Variants in SUMF1 observed in about 807,000 individuals in gnomAD.
SUMF1 encodes the protein formylglycine-generating enzyme.
A neutral mutation model predicts 47.6 loss-of-function variants in SUMF1; 48 were observed. That is an observed-to-expected ratio of 1.01 (90% CI 0.80 to 1.28). The LOEUF is 1.28. SUMF1 is among the 50% of genes most tolerant of loss of function. The pLI, the probability that SUMF1 is intolerant of heterozygous loss-of-function variation, is 0.00. For missense variants in SUMF1, 571 were observed against 485.4 expected (o/e 1.18, Z -1.66); for synonymous variants, 230 against 192.1 (o/e 1.20, Z -1.63).
At chr3:4,115,430 G>A (rs919421706) in intron 8 of SUMF1, among the ~76,000 whole-genome samples, 1 of 152,106 alleles carries the variant, frequency 6.6e-6, no homozygotes, top group Admixed American at 6.5e-5. Context: ...TAATTGAGCT[G>A]ATTAACACAA....
chr3:4,305,508 G>A (rs1423364340), intron 8 of SUMF1, among the ~76,000 whole-genome samples: 3 of 152,104 alleles, frequency 2.0e-5, no homozygotes, highest in Non-Finnish European at 2.9e-5. Context: ...TTATCTCCTT[G>A]TTGTGGAAAG....
chr3:4,410,473 C>A (rs1701504391), intron 7 of SUMF1, among the ~76,000 whole-genome samples: 1 of 152,180 alleles, frequency 6.6e-6, no homozygotes, highest in African/African-American at 2.4e-5. Context: ...TTCAACCCAT[C>A]AGAACTCAGG....
At chr3:4,091,098 A>AC (rs35628122) in intron 8 of SUMF1, among the ~76,000 whole-genome samples, 10,074 of 139,022 alleles carry the variant, frequency 0.072, 845 homozygotes, top group African/African-American at 0.19. Flanking sequence ...AACAACAACA[A>AC]AAAAAAAAAC....
intron 8 of SUMF1, among the ~76,000 whole-genome samples, chr3:4,348,654 C>G (rs1185605045): frequency 6.6e-6 from 1 of 151,148 alleles, no homozygotes; most frequent in East Asian, 1.9e-4. Context: ...CACCTGAGAT[C>G]AGGAGTTTGA....
intron 8 of SUMF1, among the ~76,000 whole-genome samples, chr3:4,296,686 G>T (rs574774269): frequency 6.6e-6 from 1 of 152,244 alleles, no homozygotes; most frequent in African/African-American, 2.4e-5. Context: ...GCGGATTACA[G>T]GAGCTACAAT....
At chr3:4,383,103 G>A (rs1700561649) in intron 7 of SUMF1, among the ~76,000 whole-genome samples, 2 of 152,136 alleles carry the variant, frequency 1.3e-5, no homozygotes, top group South Asian at 4.1e-4. Flanking sequence ...TCAGGGCCGG[G>A]CGCAGTGGCT....
At chr3:4,283,310 AT>A (rs748595844) in intron 8 of SUMF1, among the ~76,000 whole-genome samples, 1 of 152,156 alleles carries the variant, frequency 6.6e-6, no homozygotes, top group African/African-American at 2.4e-5. Flanking sequence ...TCATCCTTTT[AT>A]TGTTGTTAAA....
chr3:4,392,164 A>G (rs56749242), intron 7 of SUMF1, among the ~76,000 whole-genome samples: 2,936 of 152,180 alleles, frequency 0.019, 97 homozygotes, highest in African/African-American at 0.066. Context: ...AGGATCACTG[A>G]ATCTTTCTTC....
intron 9 of SUMF1, among the ~76,000 whole-genome samples, chr3:4,056,157 A>G (rs1011296458): frequency 6.6e-6 from 1 of 152,086 alleles, no homozygotes; most frequent in Non-Finnish European, 1.5e-5. Context: ...GTAACCTAAC[A>G]TATTCACAGG....
chr3:4,245,096 T>G (rs1696632215), intron 8 of SUMF1, among the ~76,000 whole-genome samples: 1 of 152,096 alleles, frequency 6.6e-6, no homozygotes, highest in Non-Finnish European at 1.5e-5. Context: ...ATTAAGTCAT[T>G]CAAGCTCTTC....
Position 4,374,398 on chromosome 3 carries a change from G to A in SUMF1, c.1014+1932C>T, listed in dbSNP as rs374381928. 5.9e-4 allele frequency among the ~76,000 whole-genome samples: 90 copies of A among 152,238 alleles called. 2 individuals are homozygous for A. The South Asian group carries it at 0.019, about 32-fold the overall frequency. Reference sequence around the variant, plus strand: ...AGTGTACTTAATAAAGTATGTAGGAGTTTAAAAGATATTTTTAAAGAATCT... The same window carrying A: ...AGTGTACTTAATAAAGTATGTAGGAATTTAAAAGATATTTTTAAAGAATCT... On this transcript the variant is annotated intron_variant, in intron 8 of 8. Transcript: ENST00000272902.
chr3:4,054,220 A>G (rs1212580902), intron 9 of SUMF1, among the ~76,000 whole-genome samples: 4 of 152,184 alleles, frequency 2.6e-5, no homozygotes, highest in Non-Finnish European at 5.9e-5. Context: ...AGAACTGTAT[A>G]TGAGCACAAT....
At chr3:4,169,081 T>C (rs930195367) in intron 8 of SUMF1, among the ~76,000 whole-genome samples, 3 of 152,212 alleles carry the variant, frequency 2.0e-5, no homozygotes, top group African/African-American at 7.2e-5. Context: ...TTTCCTGAAG[T>C]AAGGCAAAGA....
intron 8 of SUMF1, among the ~76,000 whole-genome samples, chr3:4,324,019 A>C (rs1698892044): frequency 6.6e-6 from 1 of 152,158 alleles, no homozygotes; most frequent in Non-Finnish European, 1.5e-5. Context: ...CTGGTTCTTT[A>C]TATTACTGTA....
At chr3:4,135,923 G>A (rs2125091553) in intron 8 of SUMF1, among the ~76,000 whole-genome samples, 1 of 152,254 alleles carries the variant, frequency 6.6e-6, no homozygotes, top group South Asian at 2.1e-4. Context: ...TACATGGGAT[G>A]TGAAGGACCT....
At chr3:4,294,915 C>G (rs1697818777) in intron 8 of SUMF1, among the ~76,000 whole-genome samples, 1 of 152,068 alleles carries the variant, frequency 6.6e-6, no homozygotes, top group Admixed American at 6.5e-5. Flanking sequence ...TTCCACAGTC[C>G]TCTTCAATTC....
chr3:4,170,167 G>A (rs372433231), intron 8 of SUMF1, among the ~76,000 whole-genome samples: 10 of 152,258 alleles, frequency 6.6e-5, no homozygotes, highest in African/African-American at 2.2e-4. Context: ...CAACAGTAAA[G>A]TCAAGTCATC....
intron 1 of SUMF1, 47 bp downstream of exon 1, chr3:4,466,929 C>A: frequency 6.3e-7 from 1 of 1,596,004 alleles, no homozygotes; most frequent in Non-Finnish European, 8.5e-7. Flanking sequence ...CAACCCCGTC[C>A]AGGAACCGAG....
intron 8 of SUMF1, among the ~76,000 whole-genome samples, chr3:4,293,536 C>A (rs1697782121): frequency 6.6e-6 from 1 of 152,098 alleles, no homozygotes; most frequent in South Asian, 2.1e-4. Flanking sequence ...TTATTACTAC[C>A]AAGAGAGACA....
Sources: gnomAD v4.1 joint callset for allele counts (sites outside exome capture counted in the v4.1 genomes callset) on GRCh38, gnomAD v4.1.1 for gene constraint, MANE v1.5 for transcripts, NCBI Gene and HGNC (gene_info 2026-07-23, HGNC 2026-07-21) for gene names.